Variants in SDK1 observed in about 807,000 individuals in gnomAD.
SDK1 encodes the protein sidekick cell adhesion molecule 1, also known as protein sidekick-1.
A neutral mutation model predicts 245.5 loss-of-function variants in SDK1; 157 were observed. That is an observed-to-expected ratio of 0.64 (90% CI 0.56 to 0.73). The LOEUF is 0.73. Ranked by LOEUF, SDK1 falls within the 30% of genes least tolerant of loss-of-function variation. The pLI is 0.00. For missense variants in SDK1, 3,583 were observed against 3,002.3 expected, an observed-to-expected ratio of 1.19 and a Z score of -4.52; for synonymous variants, 1,647 against 1,278.5, an observed-to-expected ratio of 1.29 and a Z score of -6.15.
intron 38 of SDK1, among the ~76,000 whole-genome samples, chr7:4,216,588 C>G (rs1784811594): frequency 6.6e-6 from 1 of 152,218 alleles, no homozygotes; most frequent in Non-Finnish European, 1.5e-5. Context: ...GTTGCAAACG[C>G]AGTGAAACAT....
intron 1 of SDK1, among the ~76,000 whole-genome samples, chr7:3,589,061 G>A (rs548816270): frequency 5.9e-5 from 9 of 152,288 alleles, no homozygotes; most frequent in South Asian, 4.1e-4. Context: ...GCTGTTTTAC[G>A]GACATCAAGT....
At chr7:4,086,287 A>G (rs574972090) in intron 22 of SDK1, among the ~76,000 whole-genome samples, 5 of 152,244 alleles carry the variant, frequency 3.3e-5, no homozygotes, top group Middle Eastern at 3.4e-3. Context: ...GTGTATTAGT[A>G]TTATATCACT....
At chr7:3,519,240 T>C (rs543525881) in intron 1 of SDK1, among the ~76,000 whole-genome samples, 1 of 152,162 alleles carries the variant, frequency 6.6e-6, no homozygotes, top group Non-Finnish European at 1.5e-5. Flanking sequence ...GTAGGGTGGC[T>C]ATCATTAACA....
intron 5 of SDK1, among the ~76,000 whole-genome samples, chr7:3,913,082 A>G (rs1380674692): frequency 6.6e-6 from 1 of 152,124 alleles, no homozygotes; most frequent in Non-Finnish European, 1.5e-5. Context: ...AACAGTTAAA[A>G]TGAAGAAGGA....
intron 4 of SDK1, among the ~76,000 whole-genome samples, chr7:3,745,956 T>C (rs1329519909): frequency 6.6e-6 from 1 of 152,220 alleles, no homozygotes; most frequent in East Asian, 1.9e-4. Flanking sequence ...CACCACAGAC[T>C]AGCTGTCAGT....
intron 1 of SDK1, among the ~76,000 whole-genome samples, chr7:3,371,702 G>C (rs79070780): frequency 0.068 from 10,281 of 152,230 alleles, 407 homozygotes; most frequent in African/African-American, 0.11. Flanking sequence ...AAAGATAAAA[G>C]TGGGTAAATA....
intron 43 of SDK1, among the ~76,000 whole-genome samples, chr7:4,245,206 C>T (rs1274731828): frequency 6.6e-6 from 1 of 152,138 alleles, no homozygotes; most frequent in African/African-American, 2.4e-5. Context: ...GACAGGGAGA[C>T]CAGGCCTGGT....
chr7:3,619,590 A>C (rs1253784828), intron 2 of SDK1, among the ~76,000 whole-genome samples: 3 of 152,218 alleles, frequency 2.0e-5, no homozygotes, highest in Non-Finnish European at 4.4e-5. Context: ...CTGTCTAGGC[A>C]CAAATGTTTA....
intron 4 of SDK1, among the ~76,000 whole-genome samples, chr7:3,691,768 G>C (rs1409543143): frequency 6.6e-6 from 1 of 152,136 alleles, no homozygotes; most frequent in Non-Finnish European, 1.5e-5. Flanking sequence ...GGGGCTTGTA[G>C]TATTTGTTTT....
chr7:3,775,738 G>A lies in SDK1; in HGVS notation c.714-45712G>A, dbSNP rs979762095. Among the ~76,000 whole-genome samples the A allele has an allele frequency of 2.6e-5, 4 of 151,868 alleles. No homozygotes were observed. The East Asian group carries it at 5.8e-4, about 22-fold the overall frequency. ...ACTACAGGCGCCCGCCACCGCACCC[G>A]GCTAATTTTTTGTATTTTTAGTAGA... On this transcript the variant is annotated intron_variant, in intron 4 of 44. Transcript: ENST00000404826.
chr7:3,475,329 C>T (rs530476784), intron 1 of SDK1, among the ~76,000 whole-genome samples: 2 of 152,328 alleles, frequency 1.3e-5, no homozygotes, highest in East Asian at 1.9e-4. Flanking sequence ...CAGCCCTGCC[C>T]CTTAACTGCC....
At chr7:4,104,917 G>A (rs1345227700) in intron 22 of SDK1, among the ~76,000 whole-genome samples, 1 of 151,782 alleles carries the variant, frequency 6.6e-6, no homozygotes, top group African/African-American at 2.4e-5. Flanking sequence ...CTGTTGCCCA[G>A]GCTGATTTTG....
At chr7:3,991,618 C>A (rs1784334349) in intron 14 of SDK1, among the ~76,000 whole-genome samples, 1 of 152,132 alleles carries the variant, frequency 6.6e-6, no homozygotes, top group Non-Finnish European at 1.5e-5. Context: ...CGTCAGTCAC[C>A]CATATTAGCC....
At chr7:3,766,245 T>C (rs1276816252) in intron 4 of SDK1, among the ~76,000 whole-genome samples, 1 of 152,220 alleles carries the variant, frequency 6.6e-6, no homozygotes, top group Non-Finnish European at 1.5e-5. Context: ...ATAAGTAAAG[T>C]AGTTGTCCAT....
chr7:3,317,855 GTTT>G (rs1184152584), intron 1 of SDK1, among the ~76,000 whole-genome samples: 1 of 152,120 alleles, frequency 6.6e-6, no homozygotes, highest in East Asian at 1.9e-4. Flanking sequence ...TTTCATTCCA[GTTT>G]TTTAAGTTTT....
In SDK1 at chr7:4,184,718, C is replaced by T. The variant is rs559503926; in HGVS notation, c.5098+6132C>T. ...GGCACTACAAATTGGTAAAAATAAT[C>T]CATCGGTAAGGACTCCAGTGTGCAG... On this transcript the variant is annotated intron_variant, in intron 35 of 44. Transcript: ENST00000404826. 2.6e-5 allele frequency among the ~76,000 whole-genome samples: 4 copies of T among 152,314 alleles called. No homozygotes were observed. The South Asian group carries it at 8.3e-4, about 32-fold the overall frequency.
Position 3,351,477 on chromosome 7 carries a change from ATAGAC to A in SDK1, c.298+49598_298+49602del, listed in dbSNP as rs545621960. Among the ~76,000 whole-genome samples the A allele has an allele frequency of 3.2e-3, 490 of 152,318 alleles. 1 individual carries two copies. Among genetic ancestry groups the A allele is most frequent in the African/African-American group, 0.011 (456 of 41,574 alleles). On this transcript the variant is annotated intron_variant, in intron 1 of 44. Transcript: ENST00000404826. ...GTGTCAGTAATTACAATAAATGTAA[ATAGAC>A]TAGAGGATTCTGCTAAAAGACACGT...
intron 1 of SDK1, among the ~76,000 whole-genome samples, chr7:3,617,135 T>A (rs1314702235): frequency 6.6e-6 from 1 of 152,180 alleles, no homozygotes; most frequent in Non-Finnish European, 1.5e-5. Context: ...TTGTGAGAAA[T>A]AGGTTAATAT....
chr7:3,608,253 C>T (rs763708550), intron 1 of SDK1, among the ~76,000 whole-genome samples: 34 of 152,146 alleles, frequency 2.2e-4, no homozygotes, highest in Non-Finnish European at 4.6e-4. Flanking sequence ...ATGTGAATTA[C>T]ATATAAACTC....
Sources: gnomAD v4.1 joint callset for allele counts (sites outside exome capture counted in the v4.1 genomes callset) on GRCh38, gnomAD v4.1.1 for gene constraint, MANE v1.5 for transcripts, NCBI Gene and HGNC (gene_info 2026-07-23, HGNC 2026-07-21) for gene names.